Variants in CACNA2D1 observed in about 807,000 individuals in gnomAD.
The protein encoded by CACNA2D1 is voltage-dependent calcium channel subunit alpha-2/delta-1.
A neutral mutation model predicts 171.5 loss-of-function variants in CACNA2D1; 53 were observed. That is an observed-to-expected ratio of 0.31 (90% CI 0.25 to 0.39). The LOEUF is 0.39. Ranked by LOEUF, CACNA2D1 falls within the 10% of genes least tolerant of loss-of-function variation. CACNA2D1 has a pLI of 1.00. For synonymous variants in CACNA2D1, 442 were observed against 443.1 expected, an observed-to-expected ratio of 1.00 and a Z score of 0.03; for missense variants, 903 against 1,299.8, an observed-to-expected ratio of 0.69 and a Z score of 4.69.
intron 3 of CACNA2D1, among the ~76,000 whole-genome samples, chr7:82,211,398 C>A (rs1173925737): frequency 6.6e-6 from 1 of 152,012 alleles, no homozygotes; most frequent in African/African-American, 2.4e-5. Context: ...GTCTATTATC[C>A]CCGCTTTGTG....
intron 1 of CACNA2D1, 37 bp downstream of exon 1, chr7:82,443,328 C>G: frequency 1.3e-6 from 2 of 1,580,338 alleles, no homozygotes; most frequent in Non-Finnish European, 1.7e-6. Flanking sequence ...CCGCGGCGCC[C>G]CTCGGCCGGC....
At chr7:82,204,304 C>T (rs984182638) in intron 3 of CACNA2D1, among the ~76,000 whole-genome samples, 1 of 152,152 alleles carries the variant, frequency 6.6e-6, no homozygotes, top group African/African-American at 2.4e-5. Flanking sequence ...CGAGTCTTAG[C>T]CTTGTGGTTA....
rs141238313 is a variant in CACNA2D1, at chr7:82,038,218, C to G, written c.897G>C (p.Gln299His). 301 of 1,613,108 alleles carry G rather than the reference C, an allele frequency of 1.9e-4. No homozygotes were observed. Among genetic ancestry groups the G allele is most frequent in the Non-Finnish European group, 2.5e-4 (290 of 1,179,528 alleles). ...CAAGGTGCTGAAAACAGCTTACATCCTGAGCATTGCTGTTAAACTGCAAAA... is the reference window on the plus strand; with the variant it reads ...CAAGGTGCTGAAAACAGCTTACATCGTGAGCATTGCTGTTAAACTGCAAAA... Reference protein sequence around the residue: ...VNVASFNSNAQDVSCFQHLVQ... With the variant: ...VNVASFNSNAHDVSCFQHLVQ... The change falls in exon 11 of 39, where the codon CAG becomes CAC. Residue 299 changes from glutamine (Q) to histidine (H), a missense_variant. This residue lies in a region of CACNA2D1 where 623 missense variants were observed against 925.5 expected (regional missense o/e 0.67). Coordinates refer to ENST00000356860, the MANE Select transcript of CACNA2D1 (RefSeq NM_000722.4).
chr7:82,157,656 T>G (rs1331075200), intron 4 of CACNA2D1, among the ~76,000 whole-genome samples: 2 of 152,014 alleles, frequency 1.3e-5, no homozygotes, highest in Non-Finnish European at 2.9e-5. Context: ...AGGCTTACGT[T>G]ATCTTGAATA....
intron 6 of CACNA2D1, among the ~76,000 whole-genome samples, chr7:82,107,158 G>A (rs1052659038): frequency 1.3e-5 from 2 of 152,054 alleles, no homozygotes; most frequent in Non-Finnish European, 2.9e-5. Context: ...GTCTACTAAG[G>A]CTGGCATGAA....
chr7:82,057,500 T>C (rs1346457005), intron 10 of CACNA2D1, among the ~76,000 whole-genome samples: 1 of 152,056 alleles, frequency 6.6e-6, no homozygotes, highest in African/African-American at 2.4e-5. Flanking sequence ...AGAAAGAATT[T>C]AACTAAACCT....
At chr7:82,391,657 T>C (rs1050928903) in intron 1 of CACNA2D1, among the ~76,000 whole-genome samples, 1 of 152,192 alleles carries the variant, frequency 6.6e-6, no homozygotes, top group Non-Finnish European at 1.5e-5. Context: ...AAGCAGGAGT[T>C]GTTTGCAGAG....
intron 7 of CACNA2D1, among the ~76,000 whole-genome samples, chr7:82,076,261 C>T (rs1250122678): frequency 6.6e-6 from 1 of 152,074 alleles, no homozygotes. Flanking sequence ...GTGTAAAATG[C>T]ATCCCCACAC....
At chr7:82,276,940 G>A (rs1809424205) in intron 3 of CACNA2D1, among the ~76,000 whole-genome samples, 1 of 151,786 alleles carries the variant, frequency 6.6e-6, no homozygotes, top group African/African-American at 2.4e-5. Context: ...GTAGAGATAG[G>A]GTTCACCATG....
chr7:82,082,971 T>C (rs1185987956), intron 7 of CACNA2D1, among the ~76,000 whole-genome samples: 1 of 152,050 alleles, frequency 6.6e-6, no homozygotes, highest in Non-Finnish European at 1.5e-5. Context: ...ATAATACAAC[T>C]TATCTTTCCA....
At chr7:81,977,353 G>A (rs138471037) in intron 24 of CACNA2D1, among the ~76,000 whole-genome samples, 28 of 152,046 alleles carry the variant, frequency 1.8e-4, no homozygotes, top group African/African-American at 6.3e-4. Context: ...TGGATTACAA[G>A]GCTACAGTAA....
At chr7:81,977,526 C>T (rs1167940240) in intron 24 of CACNA2D1, among the ~76,000 whole-genome samples, 14 of 152,152 alleles carry the variant, frequency 9.2e-5, no homozygotes, top group Admixed American at 9.2e-4. Context: ...GTTGGGAAAA[C>T]TGGCTAGCCA....
intron 3 of CACNA2D1, among the ~76,000 whole-genome samples, chr7:82,231,763 C>T (rs943326116): frequency 6.6e-6 from 1 of 152,136 alleles, no homozygotes; most frequent in Non-Finnish European, 1.5e-5. Flanking sequence ...AATTCCACCA[C>T]TGTAGCCCGA....
chr7:82,301,073 T>C (rs959352243), intron 3 of CACNA2D1, among the ~76,000 whole-genome samples: 1 of 152,202 alleles, frequency 6.6e-6, no homozygotes, highest in Non-Finnish European at 1.5e-5. Context: ...GTTGAGATGG[T>C]AAGAATGTGA....
intron 38 of CACNA2D1, among the ~76,000 whole-genome samples, chr7:81,957,503 C>A (rs1176986594): frequency 1.3e-5 from 2 of 152,012 alleles, no homozygotes; most frequent in Non-Finnish European, 2.9e-5. Flanking sequence ...AAGATAGGAG[C>A]TGACATCATG....
At chr7:82,391,505 C>T (rs1354070659) in intron 1 of CACNA2D1, among the ~76,000 whole-genome samples, 2 of 152,166 alleles carry the variant, frequency 1.3e-5, no homozygotes, top group Non-Finnish European at 2.9e-5. Context: ...TAAAAGGATA[C>T]TGATGTTGTG....
intron 4 of CACNA2D1, among the ~76,000 whole-genome samples, chr7:82,144,877 G>A (rs1436611514): frequency 2.0e-5 from 3 of 151,792 alleles, no homozygotes; most frequent in Admixed American, 2.0e-4. Context: ...AAAGTAAAAT[G>A]ATTTTGCTAG....
chr7:81,967,612 G>A lies in CACNA2D1; in HGVS notation c.2447C>T (p.Thr816Ile), dbSNP rs760509803. ...VNSWIENFTK[T>I]SIRDPCAGPV... ...ATATCTTACCGGATCTCTGATTGAG[G>A]TTTTGGTGAAATTCTCTATCCAGGA... Residue 816 changes from threonine to isoleucine, a missense_variant, in exon 30 of 39, where the codon ACC becomes ATC. Thr to Ile is a moderately conservative substitution (Grantham distance 89). This residue lies in a region of CACNA2D1 where 623 missense variants were observed against 925.5 expected (regional missense o/e 0.67). Coordinates refer to ENST00000356860, the MANE Select transcript of CACNA2D1 (RefSeq NM_000722.4). The A allele has an allele frequency of 6.6e-7, 1 of 1,510,184 alleles. No individual in the cohort carries two copies. The highest frequency in any genetic ancestry group is 9.2e-7 in the Non-Finnish European group (1 of 1,092,074). The allele number at this position is 1,510,184 out of a possible 1,614,324, so 93.5% of individuals were successfully genotyped here.
At chr7:82,324,428 T>C (rs944118539) in intron 3 of CACNA2D1, among the ~76,000 whole-genome samples, 3 of 148,568 alleles carry the variant, frequency 2.0e-5, no homozygotes, top group African/African-American at 7.4e-5. Context: ...CTTTAAATAA[T>C]ACATTAATCA....
Sources: allele counts gnomAD v4.1 joint callset (sites outside exome capture counted in the v4.1 genomes callset), GRCh38; gene constraint gnomAD v4.1.1; regional missense constraint gnomAD v4.1.1; transcripts MANE v1.5; gene names NCBI Gene and HGNC (gene_info 2026-07-23, HGNC 2026-07-21).